The following GLP2R variants were observed in gnomAD, a reference collection of about 807,000 sequenced individuals.
GLP2R encodes glucagon-like peptide 2 receptor.
In GLP2R, 59 loss-of-function variants were observed where a neutral mutation model predicts 68.2. The observed-to-expected ratio is 0.87, with a 90% CI of 0.70 to 1.07. The LOEUF (loss-of-function observed/expected upper bound fraction) is 1.07. GLP2R is among the 50% of genes least tolerant of loss of function. The pLI is 0.00. For missense variants in GLP2R, 548 were observed against 677.4 expected (o/e 0.81, Z 2.12); for synonymous variants, 270 against 265.4 (o/e 1.02, Z -0.17).
chr17:9,853,325 C>T (rs9896247), intron 4 of GLP2R: 52,284 of 216,542 alleles, frequency 0.24, 10,784 homozygotes, highest in African/African-American at 0.61. Context: ...GTGGCACGTA[C>T]TTAGGTGGGA....
intron 11 of GLP2R, among the ~76,000 whole-genome samples, chr17:9,885,729 C>T (rs538400383): frequency 3.6e-5 from 5 of 140,196 alleles, no homozygotes; most frequent in Admixed American, 3.5e-4. Flanking sequence ...ACTTTTACGA[C>T]ATTGTATCAG....
At chr17:9,855,329 C>G (rs2066925385) in intron 5 of GLP2R, among the ~76,000 whole-genome samples, 1 of 152,206 alleles carries the variant, frequency 6.6e-6, no homozygotes, top group Admixed American at 6.5e-5. Flanking sequence ...TGAGTCACCT[C>G]TGGCCATAAA....
In GLP2R at chr17:9,826,183, C is replaced by T. The variant is rs755292718; in HGVS notation, c.120C>T (p.His40=). The T allele has an allele frequency of 1.2e-6, 2 of 1,613,388 alleles. No homozygotes were observed. Among genetic ancestry groups the T allele is most frequent in the African/African-American group, 2.7e-5 (2 of 74,920 alleles). Residue 40 remains histidine (H), a synonymous_variant, in exon 1 of 13, where the codon CAC becomes CAT. Coordinates refer to ENST00000262441, the MANE Select transcript of GLP2R (RefSeq NM_004246.3). ...GGGGGACCAGTCCTCTCTCCTTCCA[C>T]AGGAAGTGCTCTCTCTGGGCCCCTG... The part of the protein sequence containing the change: ...APWGTSPLSF[H]RKCSLWAPGR...
chr17:9,884,276 G>T (rs1337385341), intron 11 of GLP2R, among the ~76,000 whole-genome samples: 1 of 152,196 alleles, frequency 6.6e-6, no homozygotes, highest in East Asian at 1.9e-4. Context: ...ACACTGGAAA[G>T]TATCTGTTTA....
chr17:9,880,281 T>C, intron 10 of GLP2R, 97 bp from the exon 11 acceptor site: 1 of 715,096 alleles, frequency 1.4e-6, no homozygotes, highest in Non-Finnish European at 2.4e-6. Context: ...ACTATCAATA[T>C]GGTAAGAGCT....
At chr17:9,840,828 G>A in intron 3 of GLP2R, among the ~76,000 whole-genome samples, 1 of 152,170 alleles carries the variant, frequency 6.6e-6, no homozygotes. Flanking sequence ...GGCGCTCTAT[G>A]CGGGGACCAT....
At chr17:9,884,822 T>C (rs1183991266) in intron 11 of GLP2R, among the ~76,000 whole-genome samples, 1 of 152,200 alleles carries the variant, frequency 6.6e-6, no homozygotes, top group Non-Finnish European at 1.5e-5. Context: ...TTTAGTAATT[T>C]GGAATTTTTG....
intron 10 of GLP2R, among the ~76,000 whole-genome samples, chr17:9,872,966 C>T (rs554339872): frequency 3.3e-5 from 5 of 152,276 alleles, no homozygotes; most frequent in African/African-American, 1.2e-4. Flanking sequence ...TTGCAAGAAA[C>T]CCGTAGCCCT....
chr17:9,871,528 C>T (rs2067092691), intron 10 of GLP2R, among the ~76,000 whole-genome samples: 2 of 152,102 alleles, frequency 1.3e-5, no homozygotes, highest in Admixed American at 6.5e-5. Context: ...GACATCCTTC[C>T]ACAGGCATCC....
chr17:9,851,353 C>T (rs2066889949), intron 4 of GLP2R, among the ~76,000 whole-genome samples: 1 of 151,920 alleles, frequency 6.6e-6, no homozygotes, highest in South Asian at 2.1e-4. Flanking sequence ...TCTGGAAAGA[C>T]AAGATGAATG....
chr17:9,850,887 T>C (rs1260685284), intron 4 of GLP2R, among the ~76,000 whole-genome samples: 1 of 151,856 alleles, frequency 6.6e-6, no homozygotes, highest in South Asian at 2.1e-4. Flanking sequence ...AGAGATGGGG[T>C]TTGCCATGTT....
chr17:9,855,186 G>A (rs1203942609), intron 5 of GLP2R, among the ~76,000 whole-genome samples: 2 of 152,190 alleles, frequency 1.3e-5, no homozygotes, highest in Admixed American at 6.5e-5. Context: ...ACCTCTAGAA[G>A]GCACTGGAAG....
intron 1 of GLP2R, among the ~76,000 whole-genome samples, chr17:9,833,367 AGC>A (rs199752931): frequency 6.6e-6 from 1 of 151,908 alleles, no homozygotes; most frequent in East Asian, 1.9e-4. Context: ...AGAGCCTTTG[AGC>A]CTTTGACTTT....
intron 10 of GLP2R, among the ~76,000 whole-genome samples, chr17:9,878,175 A>G (rs1183316659): frequency 6.6e-6 from 1 of 152,138 alleles, no homozygotes; most frequent in Non-Finnish European, 1.5e-5. Context: ...TGGGGGCTGG[A>G]TGTCACAGCT....
intron 10 of GLP2R, among the ~76,000 whole-genome samples, chr17:9,874,767 C>T (rs1033590263): frequency 2.6e-5 from 4 of 152,154 alleles, no homozygotes; most frequent in Non-Finnish European, 5.9e-5. Flanking sequence ...CCCAAAATTT[C>T]CTAATCCGCA....
chr17:9,858,810 G>A (rs1005480714), intron 6 of GLP2R, among the ~76,000 whole-genome samples: 1 of 152,110 alleles, frequency 6.6e-6, no homozygotes, highest in African/African-American at 2.4e-5. Context: ...CTGTAAGAGT[G>A]TTCTCATTTT....
chr17:9,843,538 C>G (rs925021389), intron 4 of GLP2R, among the ~76,000 whole-genome samples: 1 of 152,188 alleles, frequency 6.6e-6, no homozygotes, highest in Admixed American at 6.5e-5. Context: ...GTAACTGGTC[C>G]GCAAGTCCCC....
intron 8 of GLP2R, 137 bp downstream of exon 8, chr17:9,861,336 G>A: frequency 1.6e-6 from 1 of 637,402 alleles, no homozygotes; most frequent in Non-Finnish European, 2.8e-6. Flanking sequence ...TCTTAGGAAT[G>A]GGAGATAAAA....
chr17:9,876,391 A>G (rs2067142684), intron 10 of GLP2R, among the ~76,000 whole-genome samples: 1 of 152,246 alleles, frequency 6.6e-6, no homozygotes, highest in Admixed American at 6.5e-5. Flanking sequence ...GAAGACCCAA[A>G]GAAATGGTCA....
Sources: allele counts gnomAD v4.1 joint callset (sites outside exome capture counted in the v4.1 genomes callset), GRCh38; gene constraint gnomAD v4.1.1; transcripts MANE v1.5; gene names NCBI Gene and HGNC (gene_info 2026-07-23, HGNC 2026-07-21).